Variants in DNAJC1 observed in about 807,000 individuals in gnomAD.
DNAJC1 encodes the protein DnaJ heat shock protein family (Hsp40) member C1.
Under a neutral mutation model 76.6 loss-of-function variants are expected in DNAJC1, and 58 were observed. The ratio of observed to expected loss-of-function variants is 0.76; its 90% CI spans 0.61 to 0.94. The LOEUF (loss-of-function observed/expected upper bound fraction) is 0.94, where lower values mean the gene tolerates loss of function less well. Ranked by LOEUF, DNAJC1 falls within the 40% of genes least tolerant of loss-of-function variation. The pLI is 0.00. For synonymous variants in DNAJC1, 258 were observed against 267.9 expected (o/e 0.96, Z 0.36); for missense variants, 689 against 677.3 (o/e 1.02, Z -0.19).
intron 8 of DNAJC1, among the ~76,000 whole-genome samples, chr10:21,860,230 A>G (rs1309612565): frequency 6.6e-6 from 1 of 152,074 alleles, no homozygotes; most frequent in African/African-American, 2.4e-5. Context: ...CAAGGCAAGA[A>G]TAAGAGGAAA....
intron 8 of DNAJC1, among the ~76,000 whole-genome samples, chr10:21,866,275 G>T (rs1267340432): frequency 6.6e-6 from 1 of 151,526 alleles, no homozygotes; most frequent in East Asian, 1.9e-4. Flanking sequence ...TTTGAATACT[G>T]TCACACTAGA....
intron 8 of DNAJC1, among the ~76,000 whole-genome samples, chr10:21,807,441 T>C (rs1834896317): frequency 1.3e-5 from 2 of 152,178 alleles, no homozygotes; most frequent in African/African-American, 4.8e-5. Flanking sequence ...CCCCAATCAA[T>C]GGTTCAAGCG....
intron 1 of DNAJC1, among the ~76,000 whole-genome samples, chr10:21,935,123 AG>A (rs1837289842): frequency 6.6e-6 from 1 of 152,160 alleles, no homozygotes; most frequent in Non-Finnish European, 1.5e-5. Flanking sequence ...TGGTCTTCAG[AG>A]AAAAAAAATT....
At chr10:21,811,329 C>T (rs1464285761) in intron 8 of DNAJC1, among the ~76,000 whole-genome samples, 1 of 152,172 alleles carries the variant, frequency 6.6e-6, no homozygotes, top group African/African-American at 2.4e-5. Context: ...AAACATACTT[C>T]TCATTACAAA....
intron 9 of DNAJC1, among the ~76,000 whole-genome samples, chr10:21,771,032 T>C (rs1270850898): frequency 6.6e-6 from 1 of 152,182 alleles, no homozygotes; most frequent in Non-Finnish European, 1.5e-5. Context: ...TTTTAATTTA[T>C]TCCTGAGTAT....
chr10:21,969,082 G>T (rs960938234), intron 1 of DNAJC1, among the ~76,000 whole-genome samples: 2 of 151,856 alleles, frequency 1.3e-5, no homozygotes. Flanking sequence ...AAATTAGGTG[G>T]GTGTTGCAGC....
intron 9 of DNAJC1, among the ~76,000 whole-genome samples, chr10:21,775,186 A>T (rs1303081098): frequency 1.3e-5 from 2 of 152,070 alleles, no homozygotes; most frequent in African/African-American, 2.4e-5. Flanking sequence ...GCAACTTACA[A>T]CTTACAACAG....
At chr10:21,764,917 C>A (rs533009535) in intron 10 of DNAJC1, among the ~76,000 whole-genome samples, 1 of 152,284 alleles carries the variant, frequency 6.6e-6, no homozygotes, top group African/African-American at 2.4e-5. Context: ...GGTGCCTTCT[C>A]TCAGCCACAG....
At chr10:21,844,896 G>A (rs976995540) in intron 8 of DNAJC1, among the ~76,000 whole-genome samples, 1 of 152,144 alleles carries the variant, frequency 6.6e-6, no homozygotes, top group Non-Finnish European at 1.5e-5. Flanking sequence ...TAGGCATGGT[G>A]GTGCCTACCT....
chr10:21,897,674 G>C (rs1384655101), intron 7 of DNAJC1, among the ~76,000 whole-genome samples: 2 of 152,182 alleles, frequency 1.3e-5, no homozygotes, highest in Non-Finnish European at 2.9e-5. Context: ...CAGGTGCATG[G>C]AAAAACTGTC....
intron 8 of DNAJC1, among the ~76,000 whole-genome samples, chr10:21,816,357 G>C (rs1482633828): frequency 6.6e-6 from 1 of 151,762 alleles, no homozygotes; most frequent in Non-Finnish European, 1.5e-5. Context: ...AAGACTTCTA[G>C]AAAGAAAGAA....
intron 1 of DNAJC1, among the ~76,000 whole-genome samples, chr10:21,929,489 C>T (rs549110376): frequency 2.0e-5 from 3 of 152,242 alleles, no homozygotes; most frequent in East Asian, 1.9e-4. Context: ...ATTAATACAT[C>T]GGTGTGCCTT....
chr10:21,871,120 G>A (rs1406994617), intron 8 of DNAJC1, among the ~76,000 whole-genome samples: 1 of 152,054 alleles, frequency 6.6e-6, no homozygotes, highest in Non-Finnish European at 1.5e-5. Flanking sequence ...AAAATTTACA[G>A]AATATTGTCT....
At chr10:21,955,218 A>T (rs1837658577) in intron 1 of DNAJC1, among the ~76,000 whole-genome samples, 1 of 152,272 alleles carries the variant, frequency 6.6e-6, no homozygotes, top group Admixed American at 6.5e-5. Flanking sequence ...AATGATAAAC[A>T]ATTTACCTGA....
intron 10 of DNAJC1, 139 bp downstream of exon 10, chr10:21,766,122 C>G (rs1348850452): frequency 1.4e-6 from 1 of 703,952 alleles, no homozygotes; most frequent in East Asian, 2.5e-5. Context: ...GTATTTCAAC[C>G]CTTTTTGGAG....
At chr10:21,775,013 C>T (rs574744595) in intron 9 of DNAJC1, among the ~76,000 whole-genome samples, 40 of 152,268 alleles carry the variant, frequency 2.6e-4, no homozygotes, top group Middle Eastern at 3.4e-3. Flanking sequence ...AGTTAAGAGT[C>T]GCCTTATGCT....
At chr10:21,773,419 C>T (rs1834413423) in intron 9 of DNAJC1, among the ~76,000 whole-genome samples, 2 of 152,138 alleles carry the variant, frequency 1.3e-5, no homozygotes, top group Non-Finnish European at 2.9e-5. Context: ...AATTCCCAAA[C>T]ATCTGTTGAT....
intron 8 of DNAJC1, among the ~76,000 whole-genome samples, chr10:21,867,099 G>A (rs1370138056): frequency 1.3e-5 from 2 of 151,950 alleles, no homozygotes; most frequent in African/African-American, 4.8e-5. Context: ...TTCATCTTTA[G>A]AGGAGAGATA....
At chr10:21,983,720 CA>C (rs35597471) in intron 1 of DNAJC1, among the ~76,000 whole-genome samples, 79,422 of 113,624 alleles carry the variant, frequency 0.7, 25,615 homozygotes, top group East Asian at 0.95. Context: ...GATTCTGTCT[CA>C]AAAAAAAAAA....
Sources: allele counts gnomAD v4.1 joint callset (sites outside exome capture counted in the v4.1 genomes callset), GRCh38; gene constraint gnomAD v4.1.1; transcripts MANE v1.5; gene names NCBI Gene and HGNC (gene_info 2026-07-23, HGNC 2026-07-21).